ANKRD55: variants seen among roughly 807,000 people sequenced by gnomAD.
ANKRD55 encodes ankyrin repeat domain-containing protein 55.
A neutral mutation model predicts 60.6 loss-of-function variants in ANKRD55; 41 were observed. That is an observed-to-expected ratio of 0.68 (90% CI 0.53 to 0.88). The LOEUF (loss-of-function observed/expected upper bound fraction) is 0.88. Among genes scored for constraint, ANKRD55 ranks in the 40% least tolerant of loss-of-function variants. The probability of loss-of-function intolerance (pLI) is 0.00; values close to 1 mark genes in which losing one functional copy is unlikely to be tolerated. For synonymous variants in ANKRD55, 264 were observed against 290.3 expected (o/e 0.91, Z 0.92); for missense variants, 732 against 767.6 (o/e 0.95, Z 0.55).
At chr5:56,113,903 G>C (rs2111683326) in intron 9 of ANKRD55, among the ~76,000 whole-genome samples, 1 of 151,042 alleles carries the variant, frequency 6.6e-6, no homozygotes, top group East Asian at 2.0e-4. Flanking sequence ...ACCCACCTTG[G>C]CTTCCCAAAG....
intron 2 of ANKRD55, among the ~76,000 whole-genome samples, chr5:56,223,295 G>T (rs1561298805): frequency 6.6e-6 from 1 of 152,148 alleles, no homozygotes; most frequent in Non-Finnish European, 1.5e-5. Context: ...TTGCAGACAA[G>T]CAAATGCTGA....
At chr5:56,166,158 T>TTTCCTTCC (rs1180954187) in intron 5 of ANKRD55, among the ~76,000 whole-genome samples, 1,439 of 72,358 alleles carry the variant, frequency 0.02, 84 homozygotes, top group East Asian at 0.045. Flanking sequence ...TTCTTTCTTC[T>TTTCCTTCC]TTCCTTCCTT....
intron 5 of ANKRD55, among the ~76,000 whole-genome samples, chr5:56,160,430 G>C (rs374935012): frequency 1.9e-4 from 29 of 152,206 alleles, no homozygotes; most frequent in African/African-American, 6.7e-4. Context: ...TAGTAGAGAC[G>C]GGGTTTCACC....
intron 2 of ANKRD55, among the ~76,000 whole-genome samples, chr5:56,195,897 G>A (rs1192735912): frequency 6.6e-6 from 1 of 152,174 alleles, no homozygotes; most frequent in East Asian, 1.9e-4. Context: ...TATCATGGTA[G>A]TATCATCTGC....
At chr5:56,122,926 C>T (rs1012521460) in intron 8 of ANKRD55, among the ~76,000 whole-genome samples, 2 of 151,506 alleles carry the variant, frequency 1.3e-5, no homozygotes, top group Non-Finnish European at 2.9e-5. Flanking sequence ...CCACTATGTC[C>T]GGCTAATGTT....
intron 2 of ANKRD55, among the ~76,000 whole-genome samples, chr5:56,225,327 C>A (rs571164283): frequency 1.3e-5 from 2 of 152,080 alleles, no homozygotes; most frequent in South Asian, 4.1e-4. Flanking sequence ...ATTGATGGGA[C>A]GTATCTCAAA....
intron 11 of ANKRD55, among the ~76,000 whole-genome samples, chr5:56,101,777 A>G (rs1756283363): frequency 6.6e-6 from 1 of 152,096 alleles, no homozygotes; most frequent in African/African-American, 2.4e-5. Context: ...ATCCTGATGA[A>G]CTGCATTTTT....
chr5:56,228,788 G>A (rs1352345199), intron 2 of ANKRD55, among the ~76,000 whole-genome samples: 2 of 152,128 alleles, frequency 1.3e-5, no homozygotes, highest in African/African-American at 4.8e-5. Flanking sequence ...AATTTCTGTT[G>A]TTTTAAGCTA....
At chr5:56,159,318 G>A (rs139213144) in intron 6 of ANKRD55, among the ~76,000 whole-genome samples, 5 of 152,168 alleles carry the variant, frequency 3.3e-5, no homozygotes, top group South Asian at 2.1e-4. Context: ...AAAATTAGCC[G>A]GGTGTGGTGG....
intron 5 of ANKRD55, among the ~76,000 whole-genome samples, chr5:56,166,107 T>TTTCTTTCTTTC (rs1561277638): frequency 0.011 from 692 of 61,342 alleles, 21 homozygotes; most frequent in South Asian, 0.032. Context: ...TCTTTCTTTC[T>TTTCTTTCTTTC]TTCTTTCTTT....
chr5:56,155,456 A>T (rs1056217020), intron 6 of ANKRD55, among the ~76,000 whole-genome samples: 3 of 152,086 alleles, frequency 2.0e-5, no homozygotes, highest in Non-Finnish European at 4.4e-5. Context: ...AGCAGAGGAA[A>T]TTTCATTATT....
intron 8 of ANKRD55, 138 bp from the exon 9 acceptor site, chr5:56,116,920 G>C: frequency 1.1e-6 from 1 of 900,554 alleles, no homozygotes; most frequent in Non-Finnish European, 1.6e-6. Context: ...GAAATAGTAA[G>C]TGTTAAATGA....
intron 7 of ANKRD55, among the ~76,000 whole-genome samples, chr5:56,128,389 TA>T (rs1757330821): frequency 6.6e-6 from 1 of 152,134 alleles, no homozygotes; most frequent in Non-Finnish European, 1.5e-5. Flanking sequence ...CTGGAAGTGG[TA>T]AACTGAAATA....
In ANKRD55 at chr5:56,211,252, G is replaced by T. The variant is rs557566693; in HGVS notation, c.58+21604C>A. On this transcript the variant is annotated intron_variant, in intron 2 of 11. Transcript: ENST00000341048. Reference sequence around the variant, plus strand: ...TCTCCGAGTCTCTATAAGAGCACCCGCTGGTACTGCATTGCTCATGTGATC... The same window carrying T: ...TCTCCGAGTCTCTATAAGAGCACCCTCTGGTACTGCATTGCTCATGTGATC... Among the ~76,000 whole-genome samples the T allele has an allele frequency of 2.0e-5, 3 of 152,316 alleles. No individual in the cohort carries two copies. The South Asian group carries it at 6.2e-4, about 32-fold the overall frequency.
intron 2 of ANKRD55, among the ~76,000 whole-genome samples, chr5:56,219,244 G>C (rs1349512416): frequency 7.3e-6 from 1 of 137,730 alleles, no homozygotes; most frequent in Non-Finnish European, 1.5e-5. Context: ...CTGCACTCCA[G>C]CCTGGGGGAT....
intron 2 of ANKRD55, among the ~76,000 whole-genome samples, chr5:56,187,128 A>G (rs1465639174): frequency 6.6e-6 from 1 of 152,240 alleles, no homozygotes; most frequent in Non-Finnish European, 1.5e-5. Context: ...AAATCTAATT[A>G]GATAGTATTT....
chr5:56,181,586 GAT>G (rs10539733), intron 3 of ANKRD55, among the ~76,000 whole-genome samples: 4,770 of 151,966 alleles, frequency 0.031, 263 homozygotes, highest in African/African-American at 0.11. Flanking sequence ...CATGGTGTAT[GAT>G]ATTCTTTTTG....
chr5:56,142,700 C>T (rs1313656990), intron 7 of ANKRD55, among the ~76,000 whole-genome samples: 1 of 152,216 alleles, frequency 6.6e-6, no homozygotes, highest in Non-Finnish European at 1.5e-5. Context: ...GCCACCGCTA[C>T]AGTGGTGACC....
intron 2 of ANKRD55, among the ~76,000 whole-genome samples, chr5:56,210,717 A>G (rs998330370): frequency 6.6e-6 from 1 of 152,196 alleles, no homozygotes; most frequent in African/African-American, 2.4e-5. Flanking sequence ...GCATTTATAT[A>G]GTCAAAATCT....
Sources: allele counts gnomAD v4.1 joint callset (sites outside exome capture counted in the v4.1 genomes callset), GRCh38; gene constraint gnomAD v4.1.1; transcripts MANE v1.5; gene names NCBI Gene and HGNC (gene_info 2026-07-23, HGNC 2026-07-21).